GPR119: variants seen among roughly 807,000 people sequenced by gnomAD.
GPR119 encodes G protein-coupled receptor 119.
GPR119 carries 7 observed loss-of-function variants against 13.3 expected under a neutral mutation model. That is an observed-to-expected ratio of 0.53 (90% confidence interval 0.30 to 0.99). The LOEUF is 0.99. GPR119 is among the 50% of genes least tolerant of loss of function. GPR119 has a pLI of 0.06. For synonymous variants in GPR119, 107 were observed against 112.5 expected, an observed-to-expected ratio of 0.95 and a Z score of 0.31; for missense variants, 197 against 263.0, an observed-to-expected ratio of 0.75 and a Z score of 1.74.
Position 130,382,283 on chromosome X carries a change from C to A in GPR119, c.*273G>T, listed in dbSNP as rs550559561. Among the ~76,000 whole-genome samples the A allele has an allele frequency of 1.8e-5, 2 of 111,067 alleles. No homozygotes were observed. The highest frequency in any genetic ancestry group is 9.3e-3 in the Middle Eastern group (2 of 216). ...GGCCAGGATTTAAGCTTTGAACCAC[C>A]AGTAAGGAGGGCATTGGTTTGAGCC... On this transcript the variant is annotated 3_prime_UTR_variant, in exon 2 of 2. Transcript: ENST00000682440.
At position 130,381,627 on chromosome X, in the gene GPR119, T is replaced by A. The variant is rs773415128; in HGVS notation, c.*929A>T. On this transcript the variant is annotated 3_prime_UTR_variant, in exon 2 of 2. Transcript: ENST00000682440. ...AAAATCTTATTCAGAGGTTGAGGAA[T>A]TTACAGTTCTGAGTCCAATTGTCCT... is the stretch of plus-strand genomic sequence containing the variant. Among the ~76,000 whole-genome samples the A allele has an allele frequency of 3.6e-5, 4 of 111,941 alleles. No individual in the cohort carries two copies. In the East Asian group the frequency reaches 1.1e-3, roughly 31 times the overall value.
chrX:130,379,835 G>A lies in GPR119; in HGVS notation c.*2721C>T, dbSNP rs928577584. Among the ~76,000 whole-genome samples, 6 of 111,809 alleles carry A rather than the reference G, an allele frequency of 5.4e-5. No individual in the cohort carries two copies. In the East Asian group the frequency reaches 1.4e-3, roughly 26 times the overall value. On this transcript the variant is annotated 3_prime_UTR_variant, in exon 2 of 2. Transcript: ENST00000682440. ...ATGAACAAAAGTTGTTTTTATAATC[G>A]TAAAAGAAATAGTAAACATCATTTA...
intron 1 of GPR119, among the ~76,000 whole-genome samples, chrX:130,383,873 T>C (rs1465673272): frequency 8.9e-6 from 1 of 112,076 alleles, no homozygotes; most frequent in Non-Finnish European, 1.9e-5. Flanking sequence ...ATTTGAAATA[T>C]GGCTAGTTTA....
rs751536844 is a variant in GPR119 at position 130,384,977 on chromosome X, G to A, written c.471C>T (p.Phe157=). The A allele has an allele frequency of 8.3e-7, 1 of 1,212,111 alleles. No homozygotes were observed. Among genetic ancestry groups the A allele is most frequent in the Non-Finnish European group, 1.1e-6 (1 of 895,535 alleles). ...CGAAGTGAGGGTGAAATACAGCAAA[G>A]AAGCTGCACTGCCCTTTGTAGGCAG... ...QQTAYKGQCS[F]FAVFHPHFVL... Residue 157 remains phenylalanine, a synonymous_variant, in exon 1 of 2, where the codon TTC becomes TTT. Coordinates refer to ENST00000682440, the MANE Select transcript of GPR119 (RefSeq NM_178471.3).
chrX:130,383,293 G>A (rs758916214), intron 1 of GPR119, among the ~76,000 whole-genome samples: 1 of 112,153 alleles, frequency 8.9e-6, no homozygotes, highest in East Asian at 2.8e-4. Context: ...CGGAAAGGAG[G>A]ATGAGGCACC....
intron 1 of GPR119, among the ~76,000 whole-genome samples, chrX:130,382,962 G>T (rs1209103860): frequency 9.0e-6 from 1 of 111,516 alleles, no homozygotes; most frequent in Non-Finnish European, 1.9e-5. Context: ...CCTAAGGTTG[G>T]TACCTAATTT....
In GPR119 at chrX:130,381,060, C is replaced by G. The variant is rs977322137; in HGVS notation, c.*1496G>C. Among the ~76,000 whole-genome samples, 4 of 111,128 alleles carry G rather than the reference C, an allele frequency of 3.6e-5. No homozygotes were observed. Among genetic ancestry groups the G allele is most frequent in the Non-Finnish European group, 5.7e-5 (3 of 52,946 alleles). On this transcript the variant is annotated 3_prime_UTR_variant, in exon 2 of 2. Transcript: ENST00000682440. ...CCCTTATCTGTGAAGGAGCTTGCAT[C>G]AAAGAAAGCCATTAGACTTTTGTGT...
chrX:130,380,311 T>C lies in GPR119; in HGVS notation c.*2245A>G, dbSNP rs1381113013. Among the ~76,000 whole-genome samples, 85 of 112,310 alleles carry C rather than the reference T, an allele frequency of 7.6e-4. No homozygotes were observed. The highest frequency in any genetic ancestry group is 3.8e-5 in the Non-Finnish European group (2 of 53,296). ...AATTCCCATTTGAACCAGTTAACAC[T>C]TCTCCTTCTAGGGAGAAGATATCCC... On this transcript the variant is annotated 3_prime_UTR_variant, in exon 2 of 2. Coordinates refer to ENST00000682440, the MANE Select transcript of GPR119 (RefSeq NM_178471.3).
At position 130,381,340 on chromosome X, in the gene GPR119, A is replaced by G. The variant is rs910670628; in HGVS notation, c.*1216T>C. On this transcript the variant is annotated 3_prime_UTR_variant, in exon 2 of 2. Coordinates refer to ENST00000682440, the MANE Select transcript of GPR119 (RefSeq NM_178471.3). ...TAATTTTTGTATTTTTAGTAGAGACAGCTTTTCACCATATTGGTCAGGCTG... is the reference window on the plus strand; with the variant it reads ...TAATTTTTGTATTTTTAGTAGAGACGGCTTTTCACCATATTGGTCAGGCTG... Among the ~76,000 whole-genome samples, 1 of 111,018 alleles carries G rather than the reference A, an allele frequency of 9.0e-6. No individual in the cohort carries two copies. Among genetic ancestry groups the G allele is most frequent in the Non-Finnish European group, 1.9e-5 (1 of 52,991 alleles).
rs2034353374 is a variant in GPR119, at chrX:130,380,352, T to C, written c.*2204A>G. 8.9e-6 allele frequency among the ~76,000 whole-genome samples: 1 copy of C among 112,258 alleles called. No homozygotes were observed. Among genetic ancestry groups the C allele is most frequent in the Non-Finnish European group, 1.9e-5 (1 of 53,303 alleles). ...AAGATATCCCAAGGCTATCTCTGGC[T>C]GACACTGGACATATGGACAAGCAGG... On this transcript the variant is annotated 3_prime_UTR_variant, in exon 2 of 2. Transcript: ENST00000682440.
In GPR119 at chrX:130,384,989, C is replaced by A; in HGVS notation, c.459G>T (p.Gly153=). 1 of 1,211,851 alleles carries A rather than the reference C, an allele frequency of 8.3e-7. No individual in the cohort carries two copies. Among genetic ancestry groups the A allele is most frequent in the Non-Finnish European group, 1.1e-6 (1 of 895,370 alleles). ...GAAATACAGCAAAGAAGCTGCACTGCCCTTTGTAGGCAGTCTGCTGGAACA... is the reference window on the plus strand; with the variant it reads ...GAAATACAGCAAAGAAGCTGCACTGACCTTTGTAGGCAGTCTGCTGGAACA... ...IPMFQQTAYK[G]QCSFFAVFHP... is the part of the protein sequence containing the mutation. The change falls in exon 1 of 2, where the codon GGG becomes GGT. Residue 153 remains glycine (G), a synonymous_variant. Transcript: ENST00000682440.
At position 130,385,366 on chromosome X, in the gene GPR119, C is replaced by T. The variant is rs1464534242; in HGVS notation, c.82G>A (p.Ala28Thr). 1 of 1,209,142 alleles carries T rather than the reference C, an allele frequency of 8.3e-7. No homozygotes were observed. Among genetic ancestry groups the T allele is most frequent in the Non-Finnish European group, 1.1e-6 (1 of 894,155 alleles). Residue 28 changes from alanine to threonine, a missense_variant, in exon 1 of 2, where the codon GCT becomes ACT. Ala to Thr is a moderately conservative substitution (Grantham distance 58, BLOSUM62 0). Coordinates refer to ENST00000682440, the MANE Select transcript of GPR119 (RefSeq NM_178471.3). The part of the protein sequence containing the change: ...IIATNTLVAV[A>T]VLLLIHKNDG... The stretch of plus-strand genomic sequence containing the variant: ...TTCTTGTGGATCAACAGCAGCACAG[C>T]CACAGCCACTAGTGTGTTAGTAGCA...
rs1442838302 is a variant in GPR119, at chrX:130,382,050, A to AAT, written c.*504_*505dup. On this transcript the variant is annotated 3_prime_UTR_variant, in exon 2 of 2. Coordinates refer to ENST00000682440, the MANE Select transcript of GPR119 (RefSeq NM_178471.3). ...CCCCTCCTGCTTTTCTGTACTTAAA[A>AAT]ATATATATATTTTTTATTTTTAATT... Among the ~76,000 whole-genome samples the AAT allele has an allele frequency of 9.1e-6, 1 of 110,489 alleles. No individual in the cohort carries two copies. Among genetic ancestry groups the AAT allele is most frequent in the Non-Finnish European group, 1.9e-5 (1 of 53,077 alleles).
chrX:130,380,212 G>T lies in GPR119; in HGVS notation c.*2344C>A, dbSNP rs1465246248. ...GTGTGTCCTTAAGTATCTTGTGCCT[G>T]CTGTTTTCACTGGTCTCTATTCAGT... is the stretch of plus-strand genomic sequence containing the variant. On this transcript the variant is annotated 3_prime_UTR_variant, in exon 2 of 2. Coordinates refer to ENST00000682440, the MANE Select transcript of GPR119 (RefSeq NM_178471.3). Among the ~76,000 whole-genome samples, 3 of 112,141 alleles carry T rather than the reference G, an allele frequency of 2.7e-5. No individual in the cohort carries two copies. The highest frequency in any genetic ancestry group is 5.6e-5 in the Non-Finnish European group (3 of 53,242).
chrX:130,384,401 A>C (rs773768605), intron 1 of GPR119, 35 bp downstream of exon 1: 2 of 1,159,565 alleles, frequency 1.7e-6, no homozygotes, highest in Non-Finnish European at 1.2e-6. Flanking sequence ...CAGAGTGGGG[A>C]GGAGAAAGGC....
chrX:130,382,702 C>T (rs1268344719), intron 1 of GPR119, among the ~76,000 whole-genome samples, 151 bp from the exon 2 acceptor site: 1 of 111,215 alleles, frequency 9.0e-6, no homozygotes, highest in Non-Finnish European at 1.9e-5. Context: ...GATCATTATC[C>T]TCTGAATGAC....
In GPR119 at chrX:130,382,229, A is replaced by G. The variant is rs2034362061; in HGVS notation, c.*327T>C. On this transcript the variant is annotated 3_prime_UTR_variant, in exon 2 of 2. Transcript: ENST00000682440. ...ATTTTCATTCCACTTTGCTTATATTATCTTGGCAAGATCAGTCCTTTGTAG... is the reference window on the plus strand; with the variant it reads ...ATTTTCATTCCACTTTGCTTATATTGTCTTGGCAAGATCAGTCCTTTGTAG... Among the ~76,000 whole-genome samples the G allele has an allele frequency of 9.1e-6, 1 of 110,132 alleles. No homozygotes were observed. The highest frequency in any genetic ancestry group is 4.8e-3 in the Middle Eastern group (1 of 210).
At chrX:130,383,879 G>A (rs1168989054) in intron 1 of GPR119, among the ~76,000 whole-genome samples, 1 of 111,935 alleles carries the variant, frequency 8.9e-6, no homozygotes, top group Non-Finnish European at 1.9e-5. Context: ...AATATGGCTA[G>A]TTTAAATTGA....
chrX:130,382,573 T>G (rs1038989185), intron 1 of GPR119, among the ~76,000 whole-genome samples, 22 bp from the exon 2 acceptor site: 6 of 111,117 alleles, frequency 5.4e-5, no homozygotes, highest in Non-Finnish European at 1.1e-4. Flanking sequence ...TTACCAAAAG[T>G]GGGTTGATGT....
Sources: gnomAD v4.1 joint callset for allele counts (sites outside exome capture counted in the v4.1 genomes callset) on GRCh38, gnomAD v4.1.1 for gene constraint, MANE v1.5 for transcripts, NCBI Gene and HGNC (gene_info 2026-07-23, HGNC 2026-07-21) for gene names.